The following PTPRD variants were observed in gnomAD, a reference collection of about 807,000 sequenced individuals.
The protein encoded by PTPRD is receptor-type tyrosine-protein phosphatase delta.
A neutral mutation model predicts 214.5 loss-of-function variants in PTPRD; 34 were observed. The observed-to-expected ratio is 0.16, with a 90% CI of 0.12 to 0.21. PTPRD has a LOEUF of 0.21. Ranked by LOEUF, PTPRD falls within the 10% of genes least tolerant of loss-of-function variation. The pLI is 1.00. For synonymous variants in PTPRD, 1,128 were observed against 845.7 expected (o/e 1.33, Z -5.79); for missense variants, 2,545 against 2,398.7 (o/e 1.06, Z -1.27).
chr9:8,649,066 G>C (rs1230514553), intron 12 of PTPRD, among the ~76,000 whole-genome samples: 1 of 152,154 alleles, frequency 6.6e-6, no homozygotes, highest in Non-Finnish European at 1.5e-5. Flanking sequence ...ACTGAAGTGG[G>C]AAAGAAAGAG....
intron 2 of PTPRD, among the ~76,000 whole-genome samples, chr9:10,463,130 C>T (rs1411447680): frequency 1.3e-5 from 2 of 151,820 alleles, no homozygotes; most frequent in African/African-American, 2.4e-5. Context: ...AAAATGGGTT[C>T]AGTTATCTAA....
intron 11 of PTPRD, among the ~76,000 whole-genome samples, chr9:8,809,326 A>G (rs562062977): frequency 6.6e-6 from 1 of 152,290 alleles, no homozygotes; most frequent in Admixed American, 6.5e-5. Flanking sequence ...TCTCTGACAT[A>G]CAGTGTAAGG....
intron 45 of PTPRD, among the ~76,000 whole-genome samples, chr9:8,318,887 G>C (rs549622847): frequency 6.6e-6 from 1 of 152,214 alleles, no homozygotes; most frequent in East Asian, 1.9e-4. Context: ...CCTATTTTCA[G>C]TGGCCAATCG....
chr9:10,281,833 A>C (rs1168593174), intron 3 of PTPRD, among the ~76,000 whole-genome samples: 1 of 152,180 alleles, frequency 6.6e-6, no homozygotes, highest in African/African-American at 2.4e-5. Flanking sequence ...TTTTAAGTGA[A>C]CATCTTGAAA....
At position 8,933,350 on chromosome 9, in the gene PTPRD, T is replaced by G. The variant is rs971557227; in HGVS notation, c.-104+85347A>C. 4.4e-4 allele frequency among the ~76,000 whole-genome samples: 64 copies of G among 146,648 alleles called. 2 individuals are homozygous for G. The highest frequency in any genetic ancestry group is 1.5e-3 in the African/African-American group (59 of 40,098). On this transcript the variant is annotated intron_variant, in intron 11 of 45. Transcript: ENST00000381196. Reference sequence around the variant, plus strand: ...AGCCACAACCTTGAGGTTTTTTTTTTTTTTTTTTTTTTTACATAAAAGGAC... The same window carrying G: ...AGCCACAACCTTGAGGTTTTTTTTTGTTTTTTTTTTTTTACATAAAAGGAC...
chr9:8,352,473 A>G (rs921448739), intron 39 of PTPRD, among the ~76,000 whole-genome samples: 4 of 152,210 alleles, frequency 2.6e-5, no homozygotes, highest in African/African-American at 9.6e-5. Flanking sequence ...GAGTGATACA[A>G]AATTGCCCAC....
intron 35 of PTPRD, among the ~76,000 whole-genome samples, chr9:8,419,613 GA>G (rs2094210000): frequency 6.6e-6 from 1 of 151,644 alleles, no homozygotes; most frequent in Non-Finnish European, 1.5e-5. Flanking sequence ...GGGAAGAAAA[GA>G]AAAATATCTA....
intron 5 of PTPRD, among the ~76,000 whole-genome samples, chr9:9,829,571 G>A (rs771265216): frequency 4.0e-5 from 6 of 151,770 alleles, no homozygotes; most frequent in South Asian, 2.1e-4. Context: ...TTGGCAGTAT[G>A]TTACCTATTA....
At chr9:9,901,866 A>T (rs2076481397) in intron 5 of PTPRD, among the ~76,000 whole-genome samples, 1 of 152,180 alleles carries the variant, frequency 6.6e-6, no homozygotes, top group African/African-American at 2.4e-5. Context: ...AGCAGGGGGA[A>T]GTGCTACACA....
At chr9:9,947,706 G>T (rs778300740) in intron 4 of PTPRD, among the ~76,000 whole-genome samples, 2 of 127,226 alleles carry the variant, frequency 1.6e-5, no homozygotes, top group Non-Finnish European at 3.2e-5. Flanking sequence ...TCTGATTTTT[G>T]GTTCTAAGGA....
chr9:10,499,144 G>A (rs1334329272), intron 2 of PTPRD, among the ~76,000 whole-genome samples: 2 of 151,842 alleles, frequency 1.3e-5, no homozygotes, highest in African/African-American at 4.8e-5. Flanking sequence ...AATTCAACAA[G>A]ATTCAAGTAT....
intron 5 of PTPRD, among the ~76,000 whole-genome samples, chr9:9,827,921 C>G (rs1200868917): frequency 2.6e-5 from 4 of 152,084 alleles, no homozygotes; most frequent in Non-Finnish European, 4.4e-5. Context: ...CATCACTGGC[C>G]ATCAGAGAAA....
intron 11 of PTPRD, among the ~76,000 whole-genome samples, chr9:9,013,053 G>C (rs183528277): frequency 3.3e-5 from 5 of 152,158 alleles, no homozygotes; most frequent in Non-Finnish European, 5.9e-5. Context: ...TTAAAGGGGG[G>C]GATGCAGATA....
intron 2 of PTPRD, among the ~76,000 whole-genome samples, chr9:10,443,453 C>G (rs954642701): frequency 5.3e-5 from 8 of 151,470 alleles, no homozygotes; most frequent in Non-Finnish European, 8.9e-5. Context: ...TAGTATTCCC[C>G]TAAGAAATTA....
chr9:8,422,817 T>G (rs995704557), intron 35 of PTPRD, among the ~76,000 whole-genome samples: 3 of 152,226 alleles, frequency 2.0e-5, no homozygotes, highest in Non-Finnish European at 4.4e-5. Context: ...ATTCTCCTTG[T>G]GTCTCAACAG....
At chr9:9,267,069 T>C (rs1000016116) in intron 9 of PTPRD, among the ~76,000 whole-genome samples, 4 of 151,172 alleles carry the variant, frequency 2.6e-5, no homozygotes, top group Non-Finnish European at 4.4e-5. Flanking sequence ...TGAAGAAATA[T>C]AAATGAATAA....
In PTPRD at chr9:8,319,904, T is replaced by C. The variant is rs776855522; in HGVS notation, c.5597A>G (p.Tyr1866Cys). 3.1e-6 allele frequency: 5 copies of C among 1,612,984 alleles called. No individual in the cohort carries two copies. The African/African-American group carries it at 6.7e-5, about 22-fold the overall frequency. ...CTGGAAGATATCTACAACTCCTTCA[T>C]ATCTCATTCTTTCCAAAACAATGCT... ...TLSIVLERMRYEGVVDIFQTV... is the reference protein window; with the variant it reads ...TLSIVLERMRCEGVVDIFQTV... Residue 1866 changes from tyrosine to cysteine, a missense_variant, in exon 45 of 46, where the codon TAT becomes TGT. Tyr to Cys is a radical substitution (Grantham distance 194). Coordinates refer to ENST00000381196, the MANE Select transcript of PTPRD (RefSeq NM_002839.4).
intron 9 of PTPRD, among the ~76,000 whole-genome samples, chr9:9,295,362 C>A (rs981905619): frequency 6.6e-6 from 1 of 151,544 alleles, no homozygotes; most frequent in Non-Finnish European, 1.5e-5. Context: ...TTTTTTAATA[C>A]CATTTTTTTC....
At chr9:10,379,524 A>T (rs2154481916) in intron 2 of PTPRD, among the ~76,000 whole-genome samples, 1 of 152,114 alleles carries the variant, frequency 6.6e-6, no homozygotes, top group East Asian at 1.9e-4. Flanking sequence ...ATTCCATATG[A>T]ATTTTTCAAC....
Sources: allele counts gnomAD v4.1 joint callset (sites outside exome capture counted in the v4.1 genomes callset), GRCh38; gene constraint gnomAD v4.1.1; transcripts MANE v1.5; gene names NCBI Gene and HGNC (gene_info 2026-07-23, HGNC 2026-07-21).